The following VEGFC variants were observed in gnomAD, a reference collection of about 807,000 sequenced individuals.
The protein encoded by VEGFC is vascular endothelial growth factor C.
A neutral mutation model predicts 46.1 loss-of-function variants in VEGFC; 12 were observed. That is an observed-to-expected ratio of 0.26 (90% confidence interval 0.17 to 0.42). VEGFC has a LOEUF of 0.42. Among genes scored for constraint, VEGFC ranks in the 10% least tolerant of loss-of-function variants. The probability of loss-of-function intolerance (pLI) is 1.00; values close to 1 mark genes in which losing one functional copy is unlikely to be tolerated. For missense variants in VEGFC, 488 were observed against 529.4 expected, an observed-to-expected ratio of 0.92 and a Z score of 0.77; for synonymous variants, 232 against 195.5, an observed-to-expected ratio of 1.19 and a Z score of -1.56.
intron 4 of VEGFC, among the ~76,000 whole-genome samples, chr4:176,695,199 T>A (rs995203042): frequency 8.2e-4 from 124 of 152,096 alleles, no homozygotes; most frequent in Admixed American, 2.0e-3. Context: ...AGCTGGTTTT[T>A]TGAAGGGATC....
chr4:176,766,325 G>T (rs1184657207), intron 1 of VEGFC, among the ~76,000 whole-genome samples: 1 of 152,088 alleles, frequency 6.6e-6, no homozygotes, highest in African/African-American at 2.4e-5. Context: ...GTGGCTCACA[G>T]CTATAATCCC....
chr4:176,720,018 C>T (rs1467199505), intron 3 of VEGFC, among the ~76,000 whole-genome samples: 1 of 151,504 alleles, frequency 6.6e-6, no homozygotes, highest in Non-Finnish European at 1.5e-5. Flanking sequence ...AAGATCACAC[C>T]ATTGCACTCC....
At position 176,771,920 on chromosome 4, in the gene VEGFC, C is replaced by T. The variant is rs1401228446; in HGVS notation, c.147+20245G>A. Among the ~76,000 whole-genome samples the T allele has an allele frequency of 2.6e-5, 4 of 152,124 alleles. No individual in the cohort carries two copies. The East Asian group carries it at 7.7e-4, about 29-fold the overall frequency. On this transcript the variant is annotated intron_variant, in intron 1 of 6. Coordinates refer to ENST00000618562, the MANE Select transcript of VEGFC (RefSeq NM_005429.5). ...TGTGATCTGAAAATAGCTGATCCCC[C>T]AATTTTCATATGACACTTGTGTGAA...
chr4:176,736,060 C>T (rs1240407129), intron 1 of VEGFC, among the ~76,000 whole-genome samples: 1 of 151,726 alleles, frequency 6.6e-6, no homozygotes, highest in African/African-American at 2.4e-5. Context: ...CTTGAAGCCC[C>T]ACCTCGAAGA....
intron 1 of VEGFC, among the ~76,000 whole-genome samples, chr4:176,740,396 T>A (rs867458468): frequency 2.2e-4 from 26 of 118,158 alleles, no homozygotes; most frequent in Middle Eastern, 6.6e-3. Flanking sequence ...AACTATATAT[T>A]TATATATAGT....
chr4:176,778,131 A>C (rs1464177864), intron 1 of VEGFC, among the ~76,000 whole-genome samples: 6 of 152,040 alleles, frequency 3.9e-5, no homozygotes, highest in Admixed American at 2.6e-4. Context: ...TTTTCCCCAC[A>C]ATTATGATCA....
chr4:176,791,749 G>A (rs1022331435), intron 1 of VEGFC, among the ~76,000 whole-genome samples: 3 of 152,170 alleles, frequency 2.0e-5, no homozygotes, highest in Admixed American at 6.5e-5. Flanking sequence ...GTAAGGCTGG[G>A]TTGACTGATC....
At chr4:176,773,441 A>T (rs1338701023) in intron 1 of VEGFC, among the ~76,000 whole-genome samples, 1 of 152,222 alleles carries the variant, frequency 6.6e-6, no homozygotes, top group African/African-American at 2.4e-5. Context: ...ATACTCTCAA[A>T]ATAGTTAGTG....
intron 1 of VEGFC, among the ~76,000 whole-genome samples, chr4:176,780,390 A>AAAAAAAAAAAAACAAC: frequency 1.3e-5 from 2 of 150,524 alleles, no homozygotes; most frequent in South Asian, 2.1e-4. Flanking sequence ...TCAAAAAAAA[A>AAAAAAAAAAAAACAAC]AAAAAAAAAC....
At chr4:176,712,118 A>G (rs1332344976) in intron 3 of VEGFC, among the ~76,000 whole-genome samples, 1 of 152,210 alleles carries the variant, frequency 6.6e-6, no homozygotes, top group East Asian at 1.9e-4. Flanking sequence ...TAAACTGAAT[A>G]CATAGACGTA....
chr4:176,763,448 C>T (rs1420700768), intron 1 of VEGFC, among the ~76,000 whole-genome samples: 4 of 152,134 alleles, frequency 2.6e-5, no homozygotes, highest in Non-Finnish European at 4.4e-5. Flanking sequence ...GTGCATAGAA[C>T]ATCATTCCAA....
intron 3 of VEGFC, among the ~76,000 whole-genome samples, chr4:176,713,437 T>G (rs1343145865): frequency 6.6e-6 from 1 of 152,160 alleles, no homozygotes; most frequent in African/African-American, 2.4e-5. Context: ...ACAGAAGACA[T>G]ACAAAGTGGT....
intron 3 of VEGFC, among the ~76,000 whole-genome samples, chr4:176,713,731 G>C (rs1175615355): frequency 6.6e-6 from 1 of 152,134 alleles, no homozygotes; most frequent in African/African-American, 2.4e-5. Context: ...CTGGGGCACA[G>C]GAACATCTAT....
At position 176,781,577 on chromosome 4, in the gene VEGFC, A is replaced by G. The variant is rs556941021; in HGVS notation, c.147+10588T>C. On this transcript the variant is annotated intron_variant, in intron 1 of 6. Coordinates refer to ENST00000618562, the MANE Select transcript of VEGFC (RefSeq NM_005429.5). ...GAGTGGAAATAACAATCCCTTTTAC[A>G]GGTTATAGGAATTCAATCACAGGAT... 5.9e-5 allele frequency among the ~76,000 whole-genome samples: 9 copies of G among 152,316 alleles called. No homozygotes were observed. The South Asian group carries it at 1.5e-3, about 25-fold the overall frequency.
chr4:176,733,906 C>G lies in VEGFC; in HGVS notation c.148-4160G>C, dbSNP rs1344770779. 2.0e-5 allele frequency among the ~76,000 whole-genome samples: 3 copies of G among 151,782 alleles called. No homozygotes were observed. In the South Asian group the frequency reaches 6.2e-4, roughly 31 times the overall value. ...CTAATGCTCTTGATTTCTCAGCAATCTAAAGAACTTTAAAAAAATAATTTT... is the reference window on the plus strand; with the variant it reads ...CTAATGCTCTTGATTTCTCAGCAATGTAAAGAACTTTAAAAAAATAATTTT... On this transcript the variant is annotated intron_variant, in intron 1 of 6. Transcript: ENST00000618562.
At chr4:176,694,586 C>A (rs1289523342) in intron 4 of VEGFC, among the ~76,000 whole-genome samples, 2 of 151,904 alleles carry the variant, frequency 1.3e-5, no homozygotes, top group Non-Finnish European at 1.5e-5. Flanking sequence ...AGAAAGTCAA[C>A]AAGGATACGC....
At chr4:176,722,581 T>C (rs895254176) in intron 3 of VEGFC, among the ~76,000 whole-genome samples, 1 of 150,902 alleles carries the variant, frequency 6.6e-6, no homozygotes, top group Admixed American at 6.6e-5. Flanking sequence ...CTGCAGCCTC[T>C]GCCTTCCAGG....
At chr4:176,708,973 T>C (rs1734578395) in intron 4 of VEGFC, among the ~76,000 whole-genome samples, 1 of 152,266 alleles carries the variant, frequency 6.6e-6, no homozygotes, top group South Asian at 2.1e-4. Context: ...ACCTACCTGA[T>C]CACAGAGAAT....
intron 2 of VEGFC, 25 bp downstream of exon 2, chr4:176,729,508 T>C (rs764522520): frequency 2.5e-6 from 4 of 1,601,034 alleles, no homozygotes; most frequent in Middle Eastern, 1.7e-4. Context: ...TAAGGCTTAC[T>C]ATACATTTTA....
Sources: gnomAD v4.1 joint callset for allele counts (sites outside exome capture counted in the v4.1 genomes callset) on GRCh38, gnomAD v4.1.1 for gene constraint, MANE v1.5 for transcripts, NCBI Gene and HGNC (gene_info 2026-07-23, HGNC 2026-07-21) for gene names.